The following INSIG2 variants were observed in gnomAD, a reference collection of about 807,000 sequenced individuals.
INSIG2 encodes insulin-induced gene 2 protein.
Under a neutral mutation model 27.2 loss-of-function variants are expected in INSIG2, and 10 were observed. The ratio of observed to expected loss-of-function variants is 0.37; its 90% CI spans 0.23 to 0.62. The LOEUF (loss-of-function observed/expected upper bound fraction) is 0.62. INSIG2 is among the 20% of genes least tolerant of loss of function. INSIG2 has a pLI of 0.65. For synonymous variants in INSIG2, 97 were observed against 95.8 expected (o/e 1.01, Z -0.07); for missense variants, 178 against 270.2 (o/e 0.66, Z 2.39).
At chr2:118,089,102 G>C (rs549220080) in intron 1 of INSIG2, among the ~76,000 whole-genome samples, 5 of 152,330 alleles carry the variant, frequency 3.3e-5, no homozygotes, top group Non-Finnish European at 7.3e-5. Context: ...ATTCTTGCCA[G>C]GGCCTAGAAG....
chr2:118,092,946 TGAG>T (rs1200287010), intron 1 of INSIG2, among the ~76,000 whole-genome samples: 13 of 140,446 alleles, frequency 9.3e-5, no homozygotes, highest in East Asian at 2.1e-4. Context: ...ATGATGATGA[TGAG>T]GAGGAGGAGG....
intron 3 of INSIG2, among the ~76,000 whole-genome samples, chr2:118,105,775 C>T (rs1184157842): frequency 1.3e-5 from 2 of 152,140 alleles, no homozygotes; most frequent in African/African-American, 2.4e-5. Context: ...TTTCTCTATA[C>T]GTGCAGCATG....
intron 2 of INSIG2, among the ~76,000 whole-genome samples, chr2:118,099,036 A>G (rs1198228754): frequency 6.6e-6 from 1 of 152,226 alleles, no homozygotes; most frequent in Non-Finnish European, 1.5e-5. Context: ...CAGAGATGGA[A>G]AATGGATTCT....
intron 2 of INSIG2, among the ~76,000 whole-genome samples, chr2:118,097,248 C>T (rs183672225): frequency 6.6e-6 from 1 of 152,280 alleles, no homozygotes; most frequent in Admixed American, 6.5e-5. Flanking sequence ...AAGCATTTAA[C>T]CCCTTAATTT....
At chr2:118,101,863 C>T (rs1444059779) in intron 2 of INSIG2, among the ~76,000 whole-genome samples, 1 of 152,194 alleles carries the variant, frequency 6.6e-6, no homozygotes, top group Non-Finnish European at 1.5e-5. Context: ...TCAGCACATG[C>T]CTAACTCAAA....
At chr2:118,100,582 G>T (rs1678519079) in intron 2 of INSIG2, among the ~76,000 whole-genome samples, 1 of 151,930 alleles carries the variant, frequency 6.6e-6, no homozygotes, top group Admixed American at 6.6e-5. Flanking sequence ...TTTTCACCAT[G>T]TTGGCCGGGC....
intron 3 of INSIG2, 103 bp from the exon 4 acceptor site, chr2:118,106,634 C>CA: frequency 3.6e-6 from 3 of 844,706 alleles, no homozygotes; most frequent in Non-Finnish European, 5.6e-6. Flanking sequence ...TGAGTAGAAG[C>CA]AATTAATTCC....
At chr2:118,098,763 C>T (rs1477097094) in intron 2 of INSIG2, among the ~76,000 whole-genome samples, 1 of 152,218 alleles carries the variant, frequency 6.6e-6, no homozygotes, top group Non-Finnish European at 1.5e-5. Flanking sequence ...GCTAATACCA[C>T]AGTTCAGCCA....
At chr2:118,093,858 GAT>G (rs1558832679) in intron 1 of INSIG2, among the ~76,000 whole-genome samples, 3 of 97,344 alleles carry the variant, frequency 3.1e-5, no homozygotes, top group South Asian at 4.8e-4. Context: ...AGATGATGAT[GAT>G]GATGAGGAGG....
rs1415773656 is a variant in INSIG2, at chr2:118,109,127, C to T, written c.*805C>T. The T allele has an allele frequency of 2.0e-5, 3 of 152,216 alleles. No homozygotes were observed. The highest frequency in any genetic ancestry group is 2.9e-5 in the Non-Finnish European group (2 of 68,034). The allele number at this position is 152,216 out of a possible 1,614,324, so 9.4% of individuals were successfully genotyped here. A position where few individuals can be genotyped will look rare whatever the true frequency, so the allele number is the denominator to read the frequency against. On this transcript the variant is annotated 3_prime_UTR_variant, in exon 6 of 6. Transcript: ENST00000245787. ...ACATGTTTTGGAAATACAGTGACCT[C>T]TTGCAGTGTCACAAAAGTGCAAAGT...
At chr2:118,104,668 C>G (rs1181050827) in intron 3 of INSIG2, among the ~76,000 whole-genome samples, 1 of 152,182 alleles carries the variant, frequency 6.6e-6, no homozygotes, top group Admixed American at 6.5e-5. Flanking sequence ...GTCATTTATA[C>G]TGCGACATTG....
chr2:118,103,252 A>G lies in INSIG2; in HGVS notation c.300A>G (p.Lys100=), dbSNP rs759303730. The G allele has an allele frequency of 3.7e-6, 6 of 1,613,684 alleles. No individual in the cohort carries two copies. The East Asian group carries it at 1.3e-4, about 36-fold the overall frequency. Reference sequence around the variant, plus strand: ...ACAGACATCTAGGAGAACCACATAAATTTAAAAGAGAGTGGTCCAGTGTAA... The same window carrying G: ...ACAGACATCTAGGAGAACCACATAAGTTTAAAAGAGAGTGGTCCAGTGTAA... ...CIDRHLGEPH[K]FKREWSSVMR... is the part of the protein sequence containing the mutation. The change falls in exon 3 of 6, where the codon AAA becomes AAG. Residue 100 remains lysine, a synonymous_variant. Transcript: ENST00000245787.
chr2:118,102,244 A>G (rs1678565145), intron 2 of INSIG2, among the ~76,000 whole-genome samples: 1 of 152,272 alleles, frequency 6.6e-6, no homozygotes, highest in South Asian at 2.1e-4. Flanking sequence ...TTTTCATTAA[A>G]TAGTCTTTTT....
rs2630461 is a variant in INSIG2, at chr2:118,093,594, G to T, written c.-138-2825G>T. ...AGCAACCAGATGATGATGATGATGA[G>T]GAGGAGGAGGAGGAGGAGGAGAGTT... is the stretch of plus-strand genomic sequence containing the variant. On this transcript the variant is annotated intron_variant, in intron 1 of 5. Coordinates refer to ENST00000245787, the MANE Select transcript of INSIG2 (RefSeq NM_016133.4). Among the ~76,000 whole-genome samples, 226 of 25,570 alleles carry T rather than the reference G, an allele frequency of 8.8e-3. 2 individuals carry two copies. The highest frequency in any genetic ancestry group is 0.02 in the African/African-American group (144 of 7,138). The allele number at this position is 25,570 out of a possible 152,430, so 16.8% of individuals were successfully genotyped here.
chr2:118,090,409 T>C (rs1678197444), intron 1 of INSIG2, among the ~76,000 whole-genome samples: 1 of 152,214 alleles, frequency 6.6e-6, no homozygotes, highest in South Asian at 2.1e-4. Context: ...GTTGTTTCAG[T>C]GGCCAACATG....
rs188138752 is a variant in INSIG2, at chr2:118,110,722, T to C, written c.*2400T>C. 1.2e-3 allele frequency: 177 copies of C among 152,358 alleles called. No homozygotes were observed. Among genetic ancestry groups the C allele is most frequent in the African/African-American group, 4.0e-3 (168 of 41,592 alleles). 9.4% of individuals were successfully genotyped at this position (152,358 alleles called of 1,614,324 possible). ...AGAAAATGGGAAACATTTTTTAACA[T>C]TGCTAGATTGGCAGTGCTTTCTTTT... On this transcript the variant is annotated 3_prime_UTR_variant, in exon 6 of 6. Transcript: ENST00000245787.
intron 5 of INSIG2, among the ~76,000 whole-genome samples, chr2:118,107,977 CTT>C (rs1678715350): frequency 6.6e-6 from 1 of 152,256 alleles, no homozygotes; most frequent in Non-Finnish European, 1.5e-5. Flanking sequence ...GCTTTGCTTC[CTT>C]TCGACATTAA....
chr2:118,105,127 G>T (rs185950454), intron 3 of INSIG2, among the ~76,000 whole-genome samples: 3 of 152,036 alleles, frequency 2.0e-5, no homozygotes, highest in African/African-American at 7.2e-5. Context: ...TGCAAGCTTC[G>T]CCTCCCGGGT....
At chr2:118,092,403 A>G (rs2104520790) in intron 1 of INSIG2, among the ~76,000 whole-genome samples, 1 of 152,258 alleles carries the variant, frequency 6.6e-6, no homozygotes, top group Middle Eastern at 3.4e-3. Context: ...TATTCTCATC[A>G]TCTTTGTGCA....
Sources: allele counts gnomAD v4.1 joint callset (sites outside exome capture counted in the v4.1 genomes callset), GRCh38; gene constraint gnomAD v4.1.1; transcripts MANE v1.5; gene names NCBI Gene and HGNC (gene_info 2026-07-23, HGNC 2026-07-21).